PPL: variants seen among roughly 807,000 people sequenced by gnomAD.
The protein encoded by PPL is 190 kDa paraneoplastic pemphigus antigen.
In PPL, 198 loss-of-function variants were observed where a neutral mutation model predicts 194.4. The observed-to-expected ratio is 1.02, with a 90% confidence interval of 0.91 to 1.15. PPL has a LOEUF of 1.15. Among genes scored for constraint, PPL ranks in the 50% most tolerant of loss-of-function variants. The pLI, the probability that PPL is intolerant of heterozygous loss-of-function variation, is 0.00. For synonymous variants in PPL, 1,220 were observed against 972.4 expected, an observed-to-expected ratio of 1.25 and a Z score of -4.74; for missense variants, 2,885 against 2,294.8, an observed-to-expected ratio of 1.26 and a Z score of -5.25.
chr16:4,917,986 C>CAA (rs199659886), intron 1 of PPL, among the ~76,000 whole-genome samples: 3,408 of 133,962 alleles, frequency 0.025, 75 homozygotes, highest in African/African-American at 0.058. Flanking sequence ...AAAGCTGCTA[C>CAA]AAAAAAAAAA....
chr16:4,883,397 G>A lies in PPL; in HGVS notation c.5258C>T (p.Ser1753Phe). The A allele has an allele frequency of 6.2e-7, 1 of 1,614,074 alleles. No homozygotes were observed. Among genetic ancestry groups the A allele is most frequent in the Non-Finnish European group, 8.5e-7 (1 of 1,180,028 alleles). The change falls in exon 22 of 22, where the codon TCT becomes TTT. Residue 1753 changes from serine to phenylalanine, a missense_variant. Transcript: ENST00000345988. The surrounding 1 kb of genome is among the most constrained non-coding windows in gnomAD (Gnocchi z 4.8). ...CAAGAGCTGTGCCTACTTCTGCCCA[G>A]ATACCAAGACCGCCAGCTCCTGGAT... ...MSIQELAVLV[S>F]GQK
chr16:4,924,869 A>G (rs967646358), intron 1 of PPL, among the ~76,000 whole-genome samples: 1 of 152,222 alleles, frequency 6.6e-6, no homozygotes, highest in Non-Finnish European at 1.5e-5. Flanking sequence ...TACTTTAGCA[A>G]CATCGGAGGG....
chr16:4,903,576 C>T (rs959084146), intron 3 of PPL, among the ~76,000 whole-genome samples: 11 of 152,124 alleles, frequency 7.2e-5, no homozygotes, highest in Admixed American at 2.0e-4. Context: ...AAAAATTAGC[C>T]GGGCATGGTG....
At position 4,890,876 on chromosome 16, in the gene PPL, C is replaced by A; in HGVS notation, c.2014G>T (p.Val672Leu). ...TTGGCCGCCTGCAAGTTCTGCTCCACCTCACCCAGGAGGGACTTCTGGGCC... is the reference window on the plus strand; with the variant it reads ...TTGGCCGCCTGCAAGTTCTGCTCCAACTCACCCAGGAGGGACTTCTGGGCC... ...LQAQKSLLGE[V>L]EQNLQAAKQC... is the part of the protein sequence containing the mutation. The change falls in exon 17 of 22, where the codon GTG (valine) becomes TTG (leucine). Residue 672 changes from valine (V) to leucine (L), a missense_variant. Coordinates refer to ENST00000345988, the MANE Select transcript of PPL (RefSeq NM_002705.5). 1 of 1,548,174 alleles carries A rather than the reference C, an allele frequency of 6.5e-7. No individual in the cohort carries two copies. The highest frequency in any genetic ancestry group is 2.0e-5 in the Admixed American group (1 of 51,268).
Position 4,885,267 on chromosome 16 carries a change from C to T in PPL, c.3388G>A (p.Val1130Ile). 4.3e-6 allele frequency: 7 copies of T among 1,612,374 alleles called. No homozygotes were observed. The highest frequency in any genetic ancestry group is 5.9e-6 in the Non-Finnish European group (7 of 1,179,988). ...VEKDAATERE[V>I]SDLTRQYEDE... The stretch of plus-strand genomic sequence containing the variant: ...TCATATTGGCGGGTGAGATCGCTGA[C>T]CTCCCTCTCGGTGGCCGCGTCCTTC... Residue 1130 changes from valine to isoleucine, a missense_variant, in exon 22 of 22, where the codon GTC becomes ATC. Coordinates refer to ENST00000345988, the MANE Select transcript of PPL (RefSeq NM_002705.5). The surrounding 1 kb of genome is among the most constrained non-coding windows in gnomAD (Gnocchi z 6.3).
At chr16:4,935,233 G>C (rs549408229) in intron 1 of PPL, among the ~76,000 whole-genome samples, 20 of 152,290 alleles carry the variant, frequency 1.3e-4, no homozygotes, top group Admixed American at 9.2e-4. Flanking sequence ...CTCCCAGCTT[G>C]TCTGGGTTCA....
chr16:4,890,707 C>T (rs778929755), intron 17 of PPL, 21 bp downstream of exon 17: 3 of 1,580,692 alleles, frequency 1.9e-6, no homozygotes, highest in Non-Finnish European at 2.6e-6. Flanking sequence ...CAAAAATGGC[C>T]ACCACCCACC....
intron 21 of PPL, among the ~76,000 whole-genome samples, chr16:4,886,686 T>G (rs1421511402): frequency 6.6e-6 from 1 of 152,240 alleles, no homozygotes; most frequent in African/African-American, 2.4e-5. Flanking sequence ...TGGCACAGTC[T>G]CAGCTCCCTG....
At chr16:4,894,640 G>C in intron 11 of PPL, 22 bp from the exon 12 acceptor site, 1 of 1,608,578 alleles carries the variant, frequency 6.2e-7, no homozygotes. Context: ...AGGCTGGACA[G>C]TCAGGATCCC....
intron 20 of PPL, 142 bp downstream of exon 20, chr16:4,887,960 C>G (rs147139381): frequency 3.0e-6 from 2 of 657,336 alleles, no homozygotes; most frequent in Non-Finnish European, 5.5e-6. Flanking sequence ...CTTACCAAAC[C>G]TGTTTGCATG....
At chr16:4,899,750 T>A (rs1315998423) in intron 6 of PPL, among the ~76,000 whole-genome samples, 1 of 152,222 alleles carries the variant, frequency 6.6e-6, no homozygotes, top group Non-Finnish European at 1.5e-5. Context: ...ATGACAGTCC[T>A]GACCTCACAG....
At position 4,884,959 on chromosome 16, in the gene PPL, A is replaced by G; in HGVS notation, c.3696T>C (p.Thr1232=). ...RGPQVEVKEV[T]KEVIKYKTDP... is the part of the protein sequence containing the mutation. ...CAGTCTTGTACTTAATGACTTCCTT[A>G]GTCACCTCTTTGACTTCCACCTGGG... Residue 1232 remains threonine, a synonymous_variant, in exon 22 of 22, where the codon ACT becomes ACC. Coordinates refer to ENST00000345988, the MANE Select transcript of PPL (RefSeq NM_002705.5). The surrounding 1 kb of genome is among the most constrained non-coding windows in gnomAD (Gnocchi z 5.7). The G allele has an allele frequency of 6.2e-7, 1 of 1,614,006 alleles. No homozygotes were observed. Among genetic ancestry groups the G allele is most frequent in the Non-Finnish European group, 8.5e-7 (1 of 1,179,988 alleles).
chr16:4,907,753 G>A (rs527475180), intron 2 of PPL, among the ~76,000 whole-genome samples: 1 of 152,102 alleles, frequency 6.6e-6, no homozygotes. Flanking sequence ...ACAGAACTGG[G>A]AAATGAAATA....
At chr16:4,915,636 C>T (rs1001180736) in intron 1 of PPL, among the ~76,000 whole-genome samples, 3 of 152,224 alleles carry the variant, frequency 2.0e-5, no homozygotes, top group Non-Finnish European at 4.4e-5. Flanking sequence ...ATGTGATCGA[C>T]TGGGCTAGAA....
chr16:4,932,877 A>C (rs2089242659), intron 1 of PPL, among the ~76,000 whole-genome samples: 1 of 151,872 alleles, frequency 6.6e-6, no homozygotes, highest in South Asian at 2.1e-4. Flanking sequence ...TTGTCACCCC[A>C]CCTCATAGAT....
Position 4,884,863 on chromosome 16 carries a change from C to A in PPL, c.3792G>T (p.Arg1264Ser). The A allele has an allele frequency of 6.2e-7, 1 of 1,614,140 alleles. No individual in the cohort carries two copies. Among genetic ancestry groups the A allele is most frequent in the Non-Finnish European group, 8.5e-7 (1 of 1,180,030 alleles). Residue 1264 changes from arginine to serine, a missense_variant, in exon 22 of 22, where the codon AGG becomes AGT. Arg to Ser is a moderately radical substitution (Grantham distance 110). Transcript: ENST00000345988. This position sits in a 1 kb window ranked among gnomAD's most constrained non-coding sequence, Gnocchi z 5.7. Reference sequence around the variant, plus strand: ...TCAGCTGGTAGATCTCTAAATCACACCTTTCGATCAGTCTGGTCTTGTCCA... The same window carrying A: ...TCAGCTGGTAGATCTCTAAATCACAACTTTCGATCAGTCTGGTCTTGTCCA... The part of the protein sequence containing the change: ...EIVDKTRLIE[R>S]CDLEIYQLKK...
chr16:4,932,697 C>T (rs1359233914), intron 1 of PPL, among the ~76,000 whole-genome samples: 2 of 152,152 alleles, frequency 1.3e-5, no homozygotes, highest in Admixed American at 1.3e-4. Context: ...GGATTACAGG[C>T]GTGAGCTACC....
chr16:4,932,384 A>G (rs1445653406), intron 1 of PPL, among the ~76,000 whole-genome samples: 2 of 151,204 alleles, frequency 1.3e-5, no homozygotes, highest in African/African-American at 2.4e-5. Flanking sequence ...CTCCCTGGTC[A>G]GCTCTGGGCT....
At chr16:4,905,550 C>A (rs1403220463) in intron 2 of PPL, among the ~76,000 whole-genome samples, 1 of 152,236 alleles carries the variant, frequency 6.6e-6, no homozygotes, top group Non-Finnish European at 1.5e-5. Context: ...TACTCAAAAT[C>A]ATTGACTTGT....
Sources: allele counts gnomAD v4.1 joint callset (sites outside exome capture counted in the v4.1 genomes callset), GRCh38; gene constraint gnomAD v4.1.1; non-coding constraint Gnocchi (gnomAD v3.1); transcripts MANE v1.5; gene names NCBI Gene and HGNC (gene_info 2026-07-23, HGNC 2026-07-21).